SLC39A11: variants seen among roughly 807,000 people sequenced by gnomAD.
SLC39A11 encodes the protein zinc transporter ZIP11.
SLC39A11 carries 33 observed loss-of-function variants against 36.1 expected under a neutral mutation model. The observed-to-expected ratio is 0.91, with a 90% CI of 0.69 to 1.22. The LOEUF (loss-of-function observed/expected upper bound fraction) is 1.22, where lower values mean the gene tolerates loss of function less well. Among genes scored for constraint, SLC39A11 ranks in the 50% most tolerant of loss-of-function variants. The pLI, the probability that SLC39A11 is intolerant of heterozygous loss-of-function variation, is 0.00. For missense variants in SLC39A11, 432 were observed against 430.3 expected, an observed-to-expected ratio of 1.00 and a Z score of -0.03; for synonymous variants, 166 against 170.3, an observed-to-expected ratio of 0.97 and a Z score of 0.20.
intron 7 of SLC39A11, among the ~76,000 whole-genome samples, chr17:72,668,008 C>G (rs2070833204): frequency 6.6e-6 from 1 of 152,168 alleles, no homozygotes; most frequent in East Asian, 1.9e-4. Flanking sequence ...CCTGCAGAAA[C>G]AGTGCAGAGT....
chr17:73,002,642 G>A (rs930766823), intron 4 of SLC39A11, among the ~76,000 whole-genome samples: 1 of 152,162 alleles, frequency 6.6e-6, no homozygotes, highest in East Asian at 1.9e-4. Flanking sequence ...GCACACTATG[G>A]GGAGAACTAA....
At chr17:73,045,201 A>T (rs1234348793) in intron 3 of SLC39A11, among the ~76,000 whole-genome samples, 4 of 151,996 alleles carry the variant, frequency 2.6e-5, no homozygotes, top group Non-Finnish European at 5.9e-5. Flanking sequence ...AGCAGTGTTA[A>T]ACCAGCATGG....
In SLC39A11 at chr17:72,880,096, A is replaced by T. The variant is rs140705613; in HGVS notation, c.431-30292T>A. On this transcript the variant is annotated intron_variant, in intron 5 of 9. Coordinates refer to ENST00000255559, the MANE Select transcript of SLC39A11 (RefSeq NM_139177.4). ...TCTCTGCTGCAACTCCTGCTGTTTC[A>T]GTGTGTTGGTCTGTTACTGCACAAT... 8.5e-5 allele frequency among the ~76,000 whole-genome samples: 13 copies of T among 152,272 alleles called. No homozygotes were observed. The East Asian group carries it at 2.5e-3, about 29-fold the overall frequency.
At chr17:73,073,195 T>A (rs8071806) in intron 3 of SLC39A11, among the ~76,000 whole-genome samples, 24,041 of 152,000 alleles carry the variant, frequency 0.16, 2,008 homozygotes, top group Non-Finnish European at 0.17. Context: ...TAAAATAAAA[T>A]AAAATGCCAA....
In SLC39A11 at chr17:72,712,645, TG is replaced by T. The variant is rs1213183375; in HGVS notation, c.671+24004del. On this transcript the variant is annotated intron_variant, in intron 7 of 9. Coordinates refer to ENST00000255559, the MANE Select transcript of SLC39A11 (RefSeq NM_139177.4). ...GTGTCCAGTGCTTTGCCAGGCGACA[TG>T]AGGAACTTTCCACGAAGCTTGAAGG... 5 of 150,670 alleles carry T rather than the reference TG, an allele frequency of 3.3e-5. No homozygotes were observed. In the East Asian group the frequency reaches 9.9e-4, roughly 30 times the overall value. The allele number at this position is 150,670 out of a possible 1,614,324, so 9.3% of individuals were successfully genotyped here. A position where few individuals can be genotyped will look rare whatever the true frequency, so the allele number is the denominator to read the frequency against.
intron 4 of SLC39A11, among the ~76,000 whole-genome samples, chr17:72,988,028 T>C (rs2088890804): frequency 6.6e-6 from 1 of 152,188 alleles, no homozygotes; most frequent in African/African-American, 2.4e-5. Flanking sequence ...TGTGTATATT[T>C]ATGGGGTCCA....
chr17:72,912,126 G>C (rs2083042866), intron 5 of SLC39A11, among the ~76,000 whole-genome samples: 1 of 152,172 alleles, frequency 6.6e-6, no homozygotes, highest in African/African-American at 2.4e-5. Flanking sequence ...GGTTTGAAGA[G>C]AGCCAGACCT....
intron 5 of SLC39A11, among the ~76,000 whole-genome samples, chr17:72,897,218 C>T (rs995763441): frequency 1.3e-5 from 2 of 151,966 alleles, no homozygotes; most frequent in African/African-American, 4.8e-5. Context: ...CTGAGAGGAC[C>T]CCAGTGGGGA....
intron 5 of SLC39A11, among the ~76,000 whole-genome samples, chr17:72,884,773 C>T (rs4494615): frequency 0.53 from 80,987 of 152,080 alleles, 23,848 homozygotes; most frequent in African/African-American, 0.79. Flanking sequence ...AGACTGGAAA[C>T]CTTAAAGCTA....
At chr17:73,043,137 A>T (rs962262358) in intron 3 of SLC39A11, among the ~76,000 whole-genome samples, 4 of 152,236 alleles carry the variant, frequency 2.6e-5, no homozygotes, top group Non-Finnish European at 5.9e-5. Context: ...TTTAAAAAGC[A>T]GAACATCAAA....
chr17:72,836,237 CAG>C (rs974758006), intron 6 of SLC39A11, among the ~76,000 whole-genome samples: 9 of 152,134 alleles, frequency 5.9e-5, no homozygotes, highest in African/African-American at 2.2e-4. Context: ...CTCTGAAAAA[CAG>C]TGTGATCCAC....
chr17:73,016,995 G>T (rs2058190225), intron 4 of SLC39A11, among the ~76,000 whole-genome samples: 1 of 152,196 alleles, frequency 6.6e-6, no homozygotes, highest in African/African-American at 2.4e-5. Flanking sequence ...CTAGAAGCAG[G>T]TATCAGTCAA....
chr17:72,805,188 G>A (rs1488718318), intron 6 of SLC39A11, among the ~76,000 whole-genome samples: 2 of 152,064 alleles, frequency 1.3e-5, no homozygotes, highest in African/African-American at 2.4e-5. Context: ...GGGTTGGTGG[G>A]GGCTCTGGAT....
intron 6 of SLC39A11, among the ~76,000 whole-genome samples, chr17:72,798,761 C>G (rs2076985039): frequency 6.6e-6 from 1 of 152,048 alleles, no homozygotes; most frequent in African/African-American, 2.4e-5. Flanking sequence ...CTAATCACCT[C>G]CCAAAGGCCC....
chr17:73,042,069 G>GT (rs1042849146), intron 3 of SLC39A11, among the ~76,000 whole-genome samples: 1 of 152,126 alleles, frequency 6.6e-6, no homozygotes, highest in African/African-American at 2.4e-5. Context: ...CCATTTCTGT[G>GT]TAAGTGTTCA....
chr17:72,932,833 G>A (rs1172734690), intron 5 of SLC39A11, among the ~76,000 whole-genome samples: 2 of 152,126 alleles, frequency 1.3e-5, no homozygotes, highest in Non-Finnish European at 2.9e-5. Flanking sequence ...CTAAGGAGTC[G>A]AGTCAGAATT....
At chr17:72,651,589 G>C (rs899624754) in intron 7 of SLC39A11, among the ~76,000 whole-genome samples, 1 of 152,158 alleles carries the variant, frequency 6.6e-6, no homozygotes, top group Non-Finnish European at 1.5e-5. Flanking sequence ...GGTCCCCCTA[G>C]GGTGGGGTTG....
intron 6 of SLC39A11, among the ~76,000 whole-genome samples, chr17:72,768,190 T>C (rs1445938785): frequency 6.6e-6 from 1 of 152,238 alleles, no homozygotes; most frequent in Non-Finnish European, 1.5e-5. Flanking sequence ...TCTGCAGGAA[T>C]GGCTGGCAAC....
chr17:72,945,066 TGG>T (rs2085350068), intron 5 of SLC39A11, among the ~76,000 whole-genome samples: 1 of 151,836 alleles, frequency 6.6e-6, no homozygotes, highest in East Asian at 1.9e-4. Context: ...GATGGATGGA[TGG>T]ATGGGAGAGA....
Sources: gnomAD v4.1 joint callset for allele counts (sites outside exome capture counted in the v4.1 genomes callset) on GRCh38, gnomAD v4.1.1 for gene constraint, MANE v1.5 for transcripts, NCBI Gene and HGNC (gene_info 2026-07-23, HGNC 2026-07-21) for gene names.